KIF16B: variants seen among roughly 807,000 people sequenced by gnomAD.
KIF16B encodes the protein kinesin-like protein KIF16B.
Under a neutral mutation model 156.3 loss-of-function variants are expected in KIF16B, and 98 were observed. The observed-to-expected ratio is 0.63, with a 90% CI of 0.53 to 0.74. The LOEUF (loss-of-function observed/expected upper bound fraction) is 0.74. Ranked by LOEUF, KIF16B falls within the 30% of genes least tolerant of loss-of-function variation. The pLI is 0.00. For synonymous variants in KIF16B, 564 were observed against 583.7 expected (o/e 0.97, Z 0.49); for missense variants, 1,421 against 1,606.5 (o/e 0.88, Z 1.97).
At chr20:16,299,952 T>C (rs2063447780) in intron 25 of KIF16B, among the ~76,000 whole-genome samples, 1 of 152,148 alleles carries the variant, frequency 6.6e-6, no homozygotes, top group East Asian at 1.9e-4. Context: ...TAGAAGAACA[T>C]GAAGACCCTC....
At chr20:16,274,075 T>TAAAA (rs56847164) in intron 25 of KIF16B, among the ~76,000 whole-genome samples, 3 of 118,788 alleles carry the variant, frequency 2.5e-5, no homozygotes, top group African/African-American at 9.3e-5. Context: ...GAAAGATGAT[T>TAAAA]AAAAAAAAAA....
intron 10 of KIF16B, among the ~76,000 whole-genome samples, chr20:16,499,334 G>T (rs1189491322): frequency 6.6e-6 from 1 of 152,184 alleles, no homozygotes; most frequent in Non-Finnish European, 1.5e-5. Context: ...TCCTAATCCA[G>T]ATGTAATTCA....
chr20:16,402,783 A>T (rs11698934), intron 17 of KIF16B, among the ~76,000 whole-genome samples: 5 of 152,182 alleles, frequency 3.3e-5, no homozygotes, highest in African/African-American at 1.2e-4. Context: ...GCAGGCTGGG[A>T]CTTTATTTTT....
At chr20:16,529,605 T>C (rs998078952) in intron 1 of KIF16B, among the ~76,000 whole-genome samples, 6 of 152,218 alleles carry the variant, frequency 3.9e-5, no homozygotes, top group African/African-American at 9.6e-5. Flanking sequence ...AGAACCAAGG[T>C]TTTTGAAGTG....
chr20:16,454,127 A>C (rs560855353), intron 12 of KIF16B, among the ~76,000 whole-genome samples: 1 of 152,272 alleles, frequency 6.6e-6, no homozygotes, highest in African/African-American at 2.4e-5. Context: ...AAAATCTCTA[A>C]GAAGATTGGG....
At chr20:16,453,100 T>C (rs1190736023) in intron 12 of KIF16B, among the ~76,000 whole-genome samples, 1 of 134,884 alleles carries the variant, frequency 7.4e-6, no homozygotes, top group Admixed American at 7.4e-5. Context: ...AGACCCTATC[T>C]TTACCAAAAA....
In KIF16B at chr20:16,380,007, G is replaced by C. The variant is rs141618118; in HGVS notation, c.1995C>G (p.Ile665Met). The change falls in exon 19 of 26, where the codon ATC becomes ATG. Residue 665 changes from isoleucine (I) to methionine (M), a missense_variant. Coordinates refer to ENST00000354981, the MANE Select transcript of KIF16B (RefSeq NM_024704.5). Reference protein sequence around the residue: ...EESLKRRSFHIENKLKDLLAE... With the variant: ...EESLKRRSFHMENKLKDLLAE... Reference sequence around the variant, plus strand: ...CAAGTAAATCCTTTAGCTTGTTCTCGATGTGGAAGCTGCGGCGTTTGAGGC... The same window carrying C: ...CAAGTAAATCCTTTAGCTTGTTCTCCATGTGGAAGCTGCGGCGTTTGAGGC... 5.0e-6 allele frequency: 8 copies of C among 1,604,166 alleles called. No individual in the cohort carries two copies. The highest frequency in any genetic ancestry group is 4.1e-5 in the African/African-American group (3 of 73,908).
chr20:16,522,782 C>T (rs910846797), intron 3 of KIF16B, among the ~76,000 whole-genome samples: 1 of 152,192 alleles, frequency 6.6e-6, no homozygotes, highest in Admixed American at 6.5e-5. Flanking sequence ...AAACACTCCT[C>T]AGCAAATGCA....
intron 25 of KIF16B, among the ~76,000 whole-genome samples, chr20:16,292,667 A>C (rs1303822783): frequency 6.6e-6 from 1 of 152,240 alleles, no homozygotes; most frequent in Non-Finnish European, 1.5e-5. Flanking sequence ...TGATACAAAC[A>C]ATGAGCAGAG....
intron 15 of KIF16B, among the ~76,000 whole-genome samples, chr20:16,415,439 C>A (rs192925057): frequency 2.0e-5 from 3 of 152,238 alleles, no homozygotes. Context: ...CCTTCAACCC[C>A]TTTTCCTCAC....
intron 15 of KIF16B, among the ~76,000 whole-genome samples, chr20:16,414,663 T>C (rs1264899657): frequency 6.6e-6 from 1 of 152,096 alleles, no homozygotes; most frequent in Non-Finnish European, 1.5e-5. Flanking sequence ...ACAAACTGAG[T>C]TTGAAGCTTT....
At chr20:16,438,248 C>G (rs921584693) in intron 12 of KIF16B, among the ~76,000 whole-genome samples, 2 of 152,194 alleles carry the variant, frequency 1.3e-5, no homozygotes, top group Non-Finnish European at 2.9e-5. Context: ...GTTTCTCATA[C>G]AGTAGGCCCC....
chr20:16,477,509 T>C (rs1241678944), intron 12 of KIF16B, among the ~76,000 whole-genome samples: 1 of 152,182 alleles, frequency 6.6e-6, no homozygotes, highest in African/African-American at 2.4e-5. Flanking sequence ...ACATCCACTA[T>C]GACTCTGCAC....
intron 12 of KIF16B, among the ~76,000 whole-genome samples, chr20:16,456,894 C>T (rs950835913): frequency 6.6e-6 from 1 of 152,188 alleles, no homozygotes; most frequent in Non-Finnish European, 1.5e-5. Flanking sequence ...CCCCACACAG[C>T]TTATAGGCTT....
At chr20:16,415,809 C>T (rs998516786) in intron 15 of KIF16B, among the ~76,000 whole-genome samples, 1 of 152,138 alleles carries the variant, frequency 6.6e-6, no homozygotes, top group Non-Finnish European at 1.5e-5. Context: ...GTCTAAACCA[C>T]CCTCTGGGAG....
chr20:16,379,035 C>G lies in KIF16B; in HGVS notation c.2967G>C (p.Lys989Asn). The G allele has an allele frequency of 6.2e-7, 1 of 1,611,194 alleles. No homozygotes were observed. Among genetic ancestry groups the G allele is most frequent in the Admixed American group, 1.7e-5 (1 of 59,624 alleles). The change falls in exon 19 of 26, where the codon AAG becomes AAC. Residue 989 changes from lysine (K) to asparagine (N), a missense_variant. Transcript: ENST00000354981. ...IARQEEKVRK[K>N]EKEILESREK... ...CTCTGGACTCCAAAATCTCCTTTTC[C>G]TTTTTCCTCACTTTTTCCTCCTGAC...
intron 6 of KIF16B, among the ~76,000 whole-genome samples, chr20:16,508,461 G>A (rs2068854922): frequency 6.6e-6 from 1 of 152,190 alleles, no homozygotes; most frequent in African/African-American, 2.4e-5. Context: ...GATAGGGGTA[G>A]GGGGAACAGA....
intron 12 of KIF16B, among the ~76,000 whole-genome samples, chr20:16,485,293 G>A (rs980567501): frequency 1.3e-5 from 2 of 152,130 alleles, no homozygotes; most frequent in Admixed American, 1.3e-4. Context: ...ACAAAATTAA[G>A]AGAAATAATC....
chr20:16,386,029 G>A (rs929961369), intron 17 of KIF16B, among the ~76,000 whole-genome samples: 1 of 152,150 alleles, frequency 6.6e-6, no homozygotes, highest in Non-Finnish European at 1.5e-5. Context: ...CAACTGAGAC[G>A]TCCAGCAGGC....
Sources: gnomAD v4.1 joint callset for allele counts (sites outside exome capture counted in the v4.1 genomes callset) on GRCh38, gnomAD v4.1.1 for gene constraint, MANE v1.5 for transcripts, NCBI Gene and HGNC (gene_info 2026-07-23, HGNC 2026-07-21) for gene names.